IGSF10: variants seen among roughly 807,000 people sequenced by gnomAD.
The protein encoded by IGSF10 is calvaria mechanical force protein 608.
In IGSF10, 126 loss-of-function variants were observed where a neutral mutation model predicts 128.2. That is an observed-to-expected ratio of 0.98 (90% confidence interval 0.85 to 1.14). The LOEUF is 1.14. IGSF10 is among the 50% of genes most tolerant of loss of function. The pLI is 0.00. For synonymous variants in IGSF10, 1,185 were observed against 1,146.2 expected (o/e 1.03, Z -0.68); for missense variants, 3,295 against 3,149.8 (o/e 1.05, Z -1.10).
chr3:151,547,411 A>G, the IGSF10 span, among the ~76,000 whole-genome samples: 1 of 127,742 alleles, frequency 7.8e-6, no homozygotes, highest in East Asian at 2.2e-4. Flanking sequence ...TTTTCCATAT[A>G]TTATATAAAT....
At chr3:151,473,308 T>C in the IGSF10 span, among the ~76,000 whole-genome samples, 6 of 152,218 alleles carry the variant, frequency 3.9e-5, no homozygotes, top group Non-Finnish European at 7.3e-5. Context: ...TGCCTCTCTG[T>C]GTTCCCAGTG....
chr3:151,489,287 G>C, the IGSF10 span, among the ~76,000 whole-genome samples: 1 of 152,208 alleles, frequency 6.6e-6, no homozygotes, highest in Non-Finnish European at 1.5e-5. Flanking sequence ...ACCATCTCAT[G>C]CCAGTTAGAA....
rs760102847 is a variant in IGSF10 at position 151,446,663 on chromosome 3, G to T, written c.3318C>A (p.Val1106=). 1 of 1,613,926 alleles carries T rather than the reference G, an allele frequency of 6.2e-7. No individual in the cohort carries two copies. Among genetic ancestry groups the T allele is most frequent in the Non-Finnish European group, 8.5e-7 (1 of 1,179,884 alleles). Residue 1106 remains valine, a synonymous_variant, in exon 6 of 8, where the codon GTC becomes GTA. Coordinates refer to ENST00000282466, the MANE Select transcript of IGSF10 (RefSeq NM_178822.5). Reference sequence around the variant, plus strand: ...TCTCAAGTAGTAATAGTGGATTCTGGACTAGAGTTGTAGACTCTTCTGATG... The same window carrying T: ...TCTCAAGTAGTAATAGTGGATTCTGTACTAGAGTTGTAGACTCTTCTGATG... ...RVPSEESTTL[V]QNPLLLLENK... is the part of the protein sequence containing the mutation.
the IGSF10 span, among the ~76,000 whole-genome samples, chr3:151,487,296 T>A: frequency 1.5e-4 from 23 of 152,020 alleles, no homozygotes; most frequent in Non-Finnish European, 2.6e-4. Context: ...AGTCGAATCC[T>A]TGAATAGACC....
At chr3:151,522,660 C>T in the IGSF10 span, among the ~76,000 whole-genome samples, 1 of 151,762 alleles carries the variant, frequency 6.6e-6, no homozygotes, top group Middle Eastern at 3.4e-3. Context: ...TAAAAACTTT[C>T]AAACTAGGTA....
chr3:151,606,927 T>C, the IGSF10 span, among the ~76,000 whole-genome samples: 4 of 152,240 alleles, frequency 2.6e-5, no homozygotes, highest in African/African-American at 9.6e-5. Flanking sequence ...ACTGACTTTA[T>C]AGCACCACTT....
At chr3:151,569,590 T>C in the IGSF10 span, among the ~76,000 whole-genome samples, 2 of 152,274 alleles carry the variant, frequency 1.3e-5, no homozygotes, top group East Asian at 1.9e-4. Flanking sequence ...AAATGTGTTC[T>C]ACAGGCTAGA....
the IGSF10 span, among the ~76,000 whole-genome samples, chr3:151,481,955 C>T: frequency 2.0e-5 from 3 of 152,178 alleles, no homozygotes; most frequent in Admixed American, 6.5e-5. Flanking sequence ...GCCAAAGAAA[C>T]TGCATGGAGA....
At chr3:151,485,338 A>G in the IGSF10 span, among the ~76,000 whole-genome samples, 5 of 152,192 alleles carry the variant, frequency 3.3e-5, no homozygotes, top group Non-Finnish European at 7.3e-5. Context: ...GGTGTGTGTG[A>G]AAGTGATGGG....
chr3:151,537,575 G>C, the IGSF10 span, among the ~76,000 whole-genome samples: 9 of 152,072 alleles, frequency 5.9e-5, no homozygotes, highest in African/African-American at 2.2e-4. Context: ...ACCGAAATAG[G>C]GTTTATACTA....
the IGSF10 span, among the ~76,000 whole-genome samples, chr3:151,606,925 T>C: frequency 6.6e-6 from 1 of 152,206 alleles, no homozygotes; most frequent in African/African-American, 2.4e-5. Context: ...TTACTGACTT[T>C]ATAGCACCAC....
the IGSF10 span, among the ~76,000 whole-genome samples, chr3:151,617,779 G>A: frequency 1.3e-5 from 2 of 151,916 alleles, no homozygotes; most frequent in African/African-American, 4.8e-5. Context: ...TTAAGAGGTG[G>A]GCCTTTTAAA....
the IGSF10 span, among the ~76,000 whole-genome samples, chr3:151,500,130 A>C: frequency 6.6e-6 from 1 of 152,212 alleles, no homozygotes; most frequent in Non-Finnish European, 1.5e-5. Flanking sequence ...CTTCTTAGGA[A>C]TAGCACCTTG....
rs113406845 is a variant in IGSF10 at position 151,455,404 on chromosome 3, C to T, written c.324+1622G>A. Among the ~76,000 whole-genome samples, 785 of 152,152 alleles carry T rather than the reference C, an allele frequency of 5.2e-3. 6 individuals carry two copies. The highest frequency in any genetic ancestry group is 0.018 in the African/African-American group (741 of 41,506). On this transcript the variant is annotated intron_variant, in intron 4 of 7. Transcript: ENST00000282466. Reference sequence around the variant, plus strand: ...CTGGGGTTACAGGTGTGAGCCACTGCGCCCGGCCTAAAGTTTCTAATAAAC... The same window carrying T: ...CTGGGGTTACAGGTGTGAGCCACTGTGCCCGGCCTAAAGTTTCTAATAAAC...
chr3:151,437,537 G>A lies in IGSF10; in HGVS notation c.7024C>T (p.Pro2342Ser). Residue 2342 changes from proline to serine, a missense_variant, in exon 8 of 8, where the codon CCA becomes TCA. Coordinates refer to ENST00000282466, the MANE Select transcript of IGSF10 (RefSeq NM_178822.5). ...EMLRRPTFRN[P>S]FNEKIVAQLG... ...TGGGCAACTATTTTTTCATTAAATG[G>A]ATTTCTAAATGTCGGTCTTCTCAGC... is the stretch of plus-strand genomic sequence containing the variant. 1 of 1,614,110 alleles carries A rather than the reference G, an allele frequency of 6.2e-7. No homozygotes were observed. The highest frequency in any genetic ancestry group is 8.5e-7 in the Non-Finnish European group (1 of 1,180,026).
chr3:151,556,417 A>G, the IGSF10 span, among the ~76,000 whole-genome samples: 1 of 152,210 alleles, frequency 6.6e-6, no homozygotes, highest in East Asian at 1.9e-4. Flanking sequence ...TTGATGAAAC[A>G]GACCAGTTAT....
At chr3:151,451,589 G>A (rs550862236) in intron 5 of IGSF10, among the ~76,000 whole-genome samples, 1 of 152,282 alleles carries the variant, frequency 6.6e-6, no homozygotes, top group East Asian at 1.9e-4. Context: ...AAATTAAGAT[G>A]TGCCTTACAA....
the IGSF10 span, among the ~76,000 whole-genome samples, chr3:151,535,254 G>T: frequency 1.9e-3 from 289 of 152,192 alleles, 1 homozygote; most frequent in African/African-American, 6.5e-3. Flanking sequence ...ATATTTGGCT[G>T]TAATAAAAAA....
chr3:151,580,213 A>C, the IGSF10 span, among the ~76,000 whole-genome samples: 1 of 152,112 alleles, frequency 6.6e-6, no homozygotes, highest in Non-Finnish European at 1.5e-5. Context: ...AGATGTGGTC[A>C]TCTCCAGAAA....
Sources: allele counts gnomAD v4.1 joint callset (sites outside exome capture counted in the v4.1 genomes callset), GRCh38; gene constraint gnomAD v4.1.1; transcripts MANE v1.5; gene names NCBI Gene and HGNC (gene_info 2026-07-23, HGNC 2026-07-21).